CDKN2A: variants seen among roughly 807,000 people sequenced by gnomAD.
CDKN2A encodes cyclin dependent kinase inhibitor 2A, also known as cyclin-dependent kinase inhibitor 2A.
CDKN2A carries 3 observed loss-of-function variants against 11.1 expected under a neutral mutation model. The observed-to-expected ratio is 0.27, with a 90% CI of 0.12 to 0.70. CDKN2A has a LOEUF of 0.70. CDKN2A is among the 30% of genes least tolerant of loss of function. The probability of loss-of-function intolerance (pLI) is 0.77; values close to 1 mark genes in which losing one functional copy is unlikely to be tolerated. For missense variants in CDKN2A, 265 were observed against 233.6 expected (o/e 1.13, Z -0.88); for synonymous variants, 122 against 108.1 (o/e 1.13, Z -0.80).
upstream of CDKN2A, among the ~76,000 whole-genome samples, chr9:21,976,515 A>G (rs910086113): frequency 1.3e-5 from 2 of 152,134 alleles, no homozygotes; most frequent in African/African-American, 4.8e-5. Flanking sequence ...CAGGAGTTCG[A>G]GACAAGCCTG....
In CDKN2A at chr9:21,981,173, T is replaced by C. The variant is rs1349572858; in HGVS notation, c.-3-9965A>G. Among the ~76,000 whole-genome samples the C allele has an allele frequency of 1.4e-4, 12 of 84,680 alleles. 1 individual carries two copies. Among genetic ancestry groups the C allele is most frequent in the Non-Finnish European group, 2.1e-4 (9 of 42,078 alleles). 55.6% of individuals were successfully genotyped at this position (84,680 alleles called of 152,430 possible). On this transcript the variant is annotated intron_variant, in intron 2 of 3. Transcript: ENST00000494262. ...ATATATATACGTGTATATATATATA[T>C]ACGTGTATATATATATATACGTGTA...
chr9:21,968,227 T>G lies in CDKN2A; in HGVS notation c.*2A>C. On this transcript the variant is annotated 3_prime_UTR_variant, in exon 3 of 3. Transcript: ENST00000304494. This position sits in a 1 kb window ranked among gnomAD's most constrained non-coding sequence, Gnocchi z 4.7. The stretch of plus-strand genomic sequence containing the variant: ...AGGTTTCTCAGAGCCTCTCTGGTTC[T>G]TTCAATCGGGGATGTCTGCAGAGGG... The G allele has an allele frequency of 6.2e-7, 1 of 1,613,994 alleles. No individual in the cohort carries two copies. Among genetic ancestry groups the G allele is most frequent in the Non-Finnish European group, 8.5e-7 (1 of 1,179,906 alleles).
At position 21,971,040 on chromosome 9, in the gene CDKN2A, G is replaced by T. The variant is rs1554654024; in HGVS notation, c.319C>A (p.Arg107Ser). The change falls in exon 2 of 3, where the codon CGC becomes AGC. Residue 107 changes from arginine (R) to serine (S), a missense_variant. By Grantham distance (110) the Arg-to-Ser change is moderately radical. Transcript: ENST00000304494. Reference sequence around the variant, plus strand: ...ACGGGCAGACGGCCCCAGGCATCGCGCACGTCCAGCCGCGCCCCGGCCCGG... The same window carrying T: ...ACGGGCAGACGGCCCCAGGCATCGCTCACGTCCAGCCGCGCCCCGGCCCGG... ...LHRAGARLDV[R>S]DAWGRLPVDL... 6.2e-7 allele frequency: 1 copy of T among 1,605,726 alleles called. No homozygotes were observed. Among genetic ancestry groups the T allele is most frequent in the Non-Finnish European group, 8.5e-7 (1 of 1,179,342 alleles).
intron 2 of CDKN2A, chr9:21,969,876 G>C (rs1819618786): frequency 2.5e-6 from 1 of 397,636 alleles, no homozygotes; most frequent in African/African-American, 2.1e-5. Flanking sequence ...GTGATTTTGC[G>C]TTCTGTATTT....
rs1819581520 is a variant in CDKN2A at position 21,969,422 on chromosome 9, G to T, written c.458-1180C>A. 4 of 289,328 alleles carry T rather than the reference G, an allele frequency of 1.4e-5. No homozygotes were observed. The East Asian group carries it at 2.0e-4, about 15-fold the overall frequency. 17.9% of individuals were successfully genotyped at this position (289,328 alleles called of 1,614,324 possible). A position where few individuals can be genotyped will look rare whatever the true frequency, so the allele number is the denominator to read the frequency against. ...CCCATGAGGGCAAGACTCTTGTTTG[G>T]TCTCATTCACCTTGGCGTGCCCACC... is the stretch of plus-strand genomic sequence containing the variant. On this transcript the variant is annotated intron_variant, in intron 2 of 2. Transcript: ENST00000304494.
rs74416342 is a variant in CDKN2A at position 21,992,554 on chromosome 9, A to C, written c.-4+1328T>G. 28 of 477,522 alleles carry C rather than the reference A, an allele frequency of 5.9e-5. 1 individual carries two copies. In the East Asian group the frequency reaches 4.3e-3, roughly 73 times the overall value. 29.6% of individuals were successfully genotyped at this position (477,522 alleles called of 1,614,324 possible). On this transcript the variant is annotated intron_variant, in intron 2 of 3. Transcript: ENST00000494262. ...TTTTGCATTTCATGCATATACATTA[A>C]CATACTATAAAATATTTTCTCTAAC... is the stretch of plus-strand genomic sequence containing the variant.
At position 21,968,514 on chromosome 9, in the gene CDKN2A, C is replaced by T. The variant is rs1226240405; in HGVS notation, c.458-272G>A. 6.9e-6 allele frequency: 10 copies of T among 1,450,628 alleles called. No individual in the cohort carries two copies. The highest frequency in any genetic ancestry group is 2.5e-5 in the East Asian group (1 of 40,290). The allele number at this position is 1,450,628 out of a possible 1,614,324, so 89.9% of individuals were successfully genotyped here. On this transcript the variant is annotated intron_variant, in intron 2 of 2. Transcript: ENST00000304494. The surrounding 1 kb of genome is among the most constrained non-coding windows in gnomAD (Gnocchi z 4.7). ...GGAGGGCAGAGAAAGCGCGACCGCGCGGCCCGCAGGGTTGCAAGAAGAAAA... is the reference window on the plus strand; with the variant it reads ...GGAGGGCAGAGAAAGCGCGACCGCGTGGCCCGCAGGGTTGCAAGAAGAAAA...
In CDKN2A at chr9:21,968,221, T is replaced by A. The variant is rs763795863; in HGVS notation, c.*8A>T. 2.5e-6 allele frequency: 4 copies of A among 1,613,792 alleles called. No homozygotes were observed. Among genetic ancestry groups the A allele is most frequent in the Non-Finnish European group, 3.4e-6 (4 of 1,179,760 alleles). On this transcript the variant is annotated 3_prime_UTR_variant, in exon 3 of 3. Transcript: ENST00000304494. The surrounding 1 kb of genome is among the most constrained non-coding windows in gnomAD (Gnocchi z 4.7). ...TTCCCGAGGTTTCTCAGAGCCTCTCTGGTTCTTTCAATCGGGGATGTCTGC... is the reference window on the plus strand; with the variant it reads ...TTCCCGAGGTTTCTCAGAGCCTCTCAGGTTCTTTCAATCGGGGATGTCTGC...
chr9:21,970,872 G>A lies in CDKN2A; in HGVS notation c.457+30C>T, dbSNP rs780868128. 4.4e-6 allele frequency: 7 copies of A among 1,606,976 alleles called. No homozygotes were observed. The highest frequency in any genetic ancestry group is 2.7e-5 in the African/African-American group (2 of 74,870). On this transcript the variant is annotated intron_variant, in intron 2 of 2. Coordinates refer to ENST00000304494, the MANE Select transcript of CDKN2A (RefSeq NM_000077.5). ...TGCTCTGAGCTTTGGAAGCTCTCAG[G>A]GTACAAATTCTCAGATCATCAGTCC...
intron 2 of CDKN2A, among the ~76,000 whole-genome samples, chr9:21,985,409 C>G (rs1820277465): frequency 6.6e-6 from 1 of 151,894 alleles, no homozygotes; most frequent in African/African-American, 2.4e-5. Flanking sequence ...GTAAGGATGA[C>G]AGTAATGTTT....
intron 2 of CDKN2A, among the ~76,000 whole-genome samples, chr9:21,969,198 G>T (rs547338381): frequency 1.3e-5 from 2 of 152,182 alleles, no homozygotes; most frequent in Non-Finnish European, 2.9e-5. Flanking sequence ...CTTGAGCCCA[G>T]ATAACATGGT....
upstream of CDKN2A, among the ~76,000 whole-genome samples, chr9:21,975,385 A>T (rs1227887920): frequency 6.6e-6 from 1 of 151,952 alleles, no homozygotes; most frequent in Non-Finnish European, 1.5e-5. Context: ...TTTTAATCAT[A>T]AGAAAAAGCA....
chr9:21,981,040 G>GTA lies in CDKN2A; in HGVS notation c.-3-9834_-3-9833dup, dbSNP rs377553393. Among the ~76,000 whole-genome samples, 2 of 9,682 alleles carry GTA rather than the reference G, an allele frequency of 2.1e-4. 1 individual carries two copies. 6.4% of individuals were successfully genotyped at this position (9,682 alleles called of 152,430 possible). Reference sequence around the variant, plus strand: ...TATATACGTGTATATATATATACGTGTATATATATATATACGTGTATATAT... The same window carrying GTA: ...TATATACGTGTATATATATATACGTGTATATATATATATATACGTGTATATAT... On this transcript the variant is annotated intron_variant, in intron 2 of 3. Coordinates refer to the CDKN2A transcript ENST00000494262.
At chr9:21,984,886 T>C (rs1820268807) in intron 2 of CDKN2A, among the ~76,000 whole-genome samples, 1 of 151,990 alleles carries the variant, frequency 6.6e-6, no homozygotes, top group Non-Finnish European at 1.5e-5. Flanking sequence ...TTCCTGAACT[T>C]AGGAGAGTTC....
rs2811708 is a variant in CDKN2A, at chr9:21,973,423, G to T, written c.150+1255C>A. Reference sequence around the variant, plus strand: ...CCCCTTTTCTACATGTTCTTCTCCCGTCTCCATTAAAAATTGTCAAAACTA... The same window carrying T: ...CCCCTTTTCTACATGTTCTTCTCCCTTCTCCATTAAAAATTGTCAAAACTA... On this transcript the variant is annotated intron_variant, in intron 1 of 2. Coordinates refer to ENST00000304494, the MANE Select transcript of CDKN2A (RefSeq NM_000077.5). Among the ~76,000 whole-genome samples, 37,691 of 151,872 alleles carry T rather than the reference G, an allele frequency of 0.25. 4,738 individuals carry two copies. The highest frequency in any genetic ancestry group is 0.32 in the Middle Eastern group (94 of 290).
In CDKN2A at chr9:21,968,896, T is replaced by C; in HGVS notation, c.458-654A>G. ...GAGGCAGCATTTACACTTGAGAGTC[T>C]CAAGATTATTTTATTCCTGAGGGAG... On this transcript the variant is annotated intron_variant, in intron 2 of 2. Transcript: ENST00000304494. The surrounding 1 kb of genome is among the most constrained non-coding windows in gnomAD (Gnocchi z 4.7). 1 of 915,852 alleles carries C rather than the reference T, an allele frequency of 1.1e-6. No individual in the cohort carries two copies. The highest frequency in any genetic ancestry group is 1.7e-6 in the Non-Finnish European group (1 of 586,300). The allele number at this position is 915,852 out of a possible 1,614,324, so 56.7% of individuals were successfully genotyped here. A position where few individuals can be genotyped will look rare whatever the true frequency, so the allele number is the denominator to read the frequency against.
rs1205100959 is a variant in CDKN2A, at chr9:21,968,737, G to C, written c.458-495C>G. 1.3e-6 allele frequency: 2 copies of C among 1,536,168 alleles called. No individual in the cohort carries two copies. Among genetic ancestry groups the C allele is most frequent in the Admixed American group, 2.0e-5 (1 of 51,008 alleles). On this transcript the variant is annotated intron_variant, in intron 2 of 2. Coordinates refer to ENST00000304494, the MANE Select transcript of CDKN2A (RefSeq NM_000077.5). The surrounding 1 kb of genome is among the most constrained non-coding windows in gnomAD (Gnocchi z 4.7). The stretch of plus-strand genomic sequence containing the variant: ...TCCCGTAGCTTCCCTACGCATGCCT[G>C]CTTCTACAAACCCACAAATGGTTTC...
chr9:21,991,208 A>G lies in CDKN2A; in HGVS notation c.-4+2674T>C, dbSNP rs993830939. The stretch of plus-strand genomic sequence containing the variant: ...GGAGGAGCTAGGGCAAGCTTGTCCA[A>G]CCTGTGGGCCCGAGGGTCACATGCA... On this transcript the variant is annotated intron_variant, in intron 2 of 3. Coordinates refer to the CDKN2A transcript ENST00000494262. The surrounding 1 kb of genome is among the most constrained non-coding windows in gnomAD (Gnocchi z 5.2). Among the ~76,000 whole-genome samples, 2 of 152,086 alleles carry G rather than the reference A, an allele frequency of 1.3e-5. No individual in the cohort carries two copies. Among genetic ancestry groups the G allele is most frequent in the African/African-American group, 4.8e-5 (2 of 41,402 alleles).
At chr9:21,975,351 T>A (rs1819996245), upstream of CDKN2A, among the ~76,000 whole-genome samples, 1 of 152,196 alleles carries the variant, frequency 6.6e-6, no homozygotes, top group South Asian at 2.1e-4. Flanking sequence ...GTGTTTGGTG[T>A]CATAGGGAAA....
Sources: gnomAD v4.1 joint callset for allele counts (sites outside exome capture counted in the v4.1 genomes callset) on GRCh38, gnomAD v4.1.1 for gene constraint, Gnocchi (gnomAD v3.1) non-coding constraint, MANE v1.5 for transcripts, NCBI Gene and HGNC (gene_info 2026-07-23, HGNC 2026-07-21) for gene names.